Variants in ITPR2 observed in about 807,000 individuals in gnomAD.
The protein encoded by ITPR2 is inositol 1,4,5-trisphosphate-gated calcium channel ITPR2.
Under a neutral mutation model 317.1 loss-of-function variants are expected in ITPR2, and 207 were observed. The ratio of observed to expected loss-of-function variants is 0.65; its 90% CI spans 0.58 to 0.73. The LOEUF is 0.73. Ranked by LOEUF, ITPR2 falls within the 30% of genes least tolerant of loss-of-function variation. The probability of loss-of-function intolerance (pLI) is 0.00; values close to 1 mark genes in which losing one functional copy is unlikely to be tolerated. For missense variants in ITPR2, 2,613 were observed against 3,284.0 expected (o/e 0.80, Z 4.99); for synonymous variants, 1,156 against 1,149.1 (o/e 1.01, Z -0.12).
intron 55 of ITPR2, among the ~76,000 whole-genome samples, chr12:26,369,644 C>T (rs973037049): frequency 2.6e-5 from 4 of 152,138 alleles, no homozygotes; most frequent in Non-Finnish European, 4.4e-5. Context: ...CTAGTTTTGT[C>T]CCTGATTCTT....
At position 26,596,936 on chromosome 12, in the gene ITPR2, G is replaced by A; in HGVS notation, c.4201C>T (p.Leu1401Phe). 1.9e-6 allele frequency: 3 copies of A among 1,600,342 alleles called. No individual in the cohort carries two copies. The highest frequency in any genetic ancestry group is 2.6e-6 in the Non-Finnish European group (3 of 1,172,510). ...VYTEIKCNSL[L>F]PLDDIVRVVT... The stretch of plus-strand genomic sequence containing the variant: ...ACCCTCACTATGTCGTCCAGCGGGA[G>A]AAGGGAATTACACTTGATTTCAGTG... The change falls in exon 31 of 57, where the codon CTC becomes TTC. Residue 1401 changes from leucine (L) to phenylalanine (F), a missense_variant. Physicochemically the swap from Leu to Phe is conservative, Grantham distance 22. Coordinates refer to ENST00000381340, the MANE Select transcript of ITPR2 (RefSeq NM_002223.4).
At chr12:26,750,304 G>A (rs995782103) in intron 2 of ITPR2, among the ~76,000 whole-genome samples, 2 of 152,066 alleles carry the variant, frequency 1.3e-5, no homozygotes, top group African/African-American at 4.8e-5. Context: ...TTGTTCTGTG[G>A]ATTAATAGTG....
chr12:26,705,993 C>G (rs1274891527), intron 9 of ITPR2, among the ~76,000 whole-genome samples: 1 of 152,176 alleles, frequency 6.6e-6, no homozygotes, highest in East Asian at 1.9e-4. Context: ...AAACTTCCAC[C>G]AGATGGCAAA....
chr12:26,757,272 A>G (rs921883750), intron 2 of ITPR2, among the ~76,000 whole-genome samples: 1 of 150,872 alleles, frequency 6.6e-6, no homozygotes, highest in Non-Finnish European at 1.5e-5. Context: ...CTAGAGTGCA[A>G]TGGTGCAATC....
intron 26 of ITPR2, among the ~76,000 whole-genome samples, chr12:26,613,799 C>T (rs1346026720): frequency 6.6e-6 from 1 of 152,138 alleles, no homozygotes; most frequent in Non-Finnish European, 1.5e-5. Flanking sequence ...CTCCCATATA[C>T]AAGACAAGCT....
chr12:26,398,251 C>T (rs1195358856), intron 54 of ITPR2, among the ~76,000 whole-genome samples: 6 of 152,154 alleles, frequency 3.9e-5, no homozygotes, highest in South Asian at 2.1e-4. Context: ...GGCAAAACCC[C>T]GGCTCTACTG....
chr12:26,486,090 A>C lies in ITPR2; in HGVS notation c.5811+14T>G, dbSNP rs748858021. 7 of 1,613,704 alleles carry C rather than the reference A, an allele frequency of 4.3e-6. No individual in the cohort carries two copies. Among genetic ancestry groups the C allele is most frequent in the African/African-American group, 1.3e-5 (1 of 74,930 alleles). On this transcript the variant is annotated intron_variant, in intron 41 of 56. Coordinates refer to ENST00000381340, the MANE Select transcript of ITPR2 (RefSeq NM_002223.4). ...GGTTGTATTCTCAGCTTTCACACAA[A>C]ACAGAACAAATACCTGCAATTCCCG...
chr12:26,768,994 A>AAACACACACACAC (rs1949791238), intron 2 of ITPR2, among the ~76,000 whole-genome samples: 3 of 96,782 alleles, frequency 3.1e-5, no homozygotes, highest in Non-Finnish European at 8.9e-5. Context: ...CATCCAGTAG[A>AAACACACACACAC]ACACACACAC....
intron 55 of ITPR2, among the ~76,000 whole-genome samples, chr12:26,364,854 G>T (rs1938955544): frequency 6.6e-6 from 1 of 152,158 alleles, no homozygotes; most frequent in Non-Finnish European, 1.5e-5. Context: ...CGGCCTCTAG[G>T]ATGAGTCTGT....
Position 26,659,018 on chromosome 12 carries a change from T to C in ITPR2, c.1886+95A>G, listed in dbSNP as rs963361359. ...AACATAGTTCGTCCATAAAAGTTAG[T>C]GATGTGAAAGAACTCTAACTTTTAA... On this transcript the variant is annotated intron_variant, in intron 16 of 56. Coordinates refer to ENST00000381340, the MANE Select transcript of ITPR2 (RefSeq NM_002223.4). 5.5e-6 allele frequency: 5 copies of C among 909,924 alleles called. No individual in the cohort carries two copies. In the African/African-American group the frequency reaches 6.7e-5, roughly 12 times the overall value. The allele number at this position is 909,924 out of a possible 1,614,324, so 56.4% of individuals were successfully genotyped here. A position where few individuals can be genotyped will look rare whatever the true frequency, so the allele number is the denominator to read the frequency against.
At chr12:26,586,820 A>T (rs1945541837) in intron 32 of ITPR2, among the ~76,000 whole-genome samples, 11 of 152,190 alleles carry the variant, frequency 7.2e-5, no homozygotes, top group Admixed American at 7.2e-4. Context: ...GGTAAAATAC[A>T]GCACATGCAT....
At chr12:26,463,091 T>G (rs78103456) in intron 45 of ITPR2, among the ~76,000 whole-genome samples, 1 of 152,226 alleles carries the variant, frequency 6.6e-6, no homozygotes. Flanking sequence ...TACTTAGTGA[T>G]CTGACCTAAG....
At chr12:26,710,622 A>T (rs1050664259) in intron 9 of ITPR2, among the ~76,000 whole-genome samples, 13 of 152,338 alleles carry the variant, frequency 8.5e-5, no homozygotes, top group South Asian at 4.1e-4. Context: ...CCTATCCTTC[A>T]TATCTTCTGA....
chr12:26,347,164 C>T (rs1163694830), intron 55 of ITPR2, among the ~76,000 whole-genome samples: 3 of 152,202 alleles, frequency 2.0e-5, no homozygotes, highest in Non-Finnish European at 4.4e-5. Flanking sequence ...CTTATATAAT[C>T]TATCCCTATT....
intron 37 of ITPR2, among the ~76,000 whole-genome samples, chr12:26,506,373 G>A (rs946931888): frequency 7.3e-5 from 11 of 151,630 alleles, no homozygotes; most frequent in Non-Finnish European, 1.5e-4. Flanking sequence ...TCTGGGTGTG[G>A]TGACATACGC....
Position 26,577,074 on chromosome 12 carries a change from C to T in ITPR2, c.4630+1639G>A, listed in dbSNP as rs77068945. Among the ~76,000 whole-genome samples the T allele has an allele frequency of 1.6e-3, 250 of 152,342 alleles. 7 individuals are homozygous for T. The East Asian group carries it at 0.04, about 25-fold the overall frequency. On this transcript the variant is annotated intron_variant, in intron 34 of 56. Transcript: ENST00000381340. ...AGCAAGATGGCCCTCACCAGATGCACGCCTCTCCATCCTGGACTTCCCAGC... is the reference window on the plus strand; with the variant it reads ...AGCAAGATGGCCCTCACCAGATGCATGCCTCTCCATCCTGGACTTCCCAGC...
intron 1 of ITPR2, among the ~76,000 whole-genome samples, chr12:26,828,081 T>C (rs1181055497): frequency 6.6e-6 from 1 of 152,180 alleles, no homozygotes; most frequent in Non-Finnish European, 1.5e-5. Flanking sequence ...TCCTTCTTAG[T>C]TTTCAGGAAG....
At chr12:26,550,121 A>G (rs1473257280) in intron 37 of ITPR2, 126 bp downstream of exon 37, 3 of 470,278 alleles carry the variant, frequency 6.4e-6, no homozygotes, top group Non-Finnish European at 1.1e-5. Context: ...TATATAATTC[A>G]TCTAAGTACA....
chr12:26,654,222 T>TGCTGTGCTAATTTAG, intron 20 of ITPR2, 96 bp from the exon 21 acceptor site: 1 of 955,906 alleles, frequency 1.0e-6, no homozygotes, highest in Non-Finnish European at 1.5e-6. Flanking sequence ...TTATCTAAAT[T>TGCTGTGCTAATTTAG]AGCACAGCAA....
Sources: allele counts gnomAD v4.1 joint callset (sites outside exome capture counted in the v4.1 genomes callset), GRCh38; gene constraint gnomAD v4.1.1; transcripts MANE v1.5; gene names NCBI Gene and HGNC (gene_info 2026-07-23, HGNC 2026-07-21).